Variants in GALNT10 observed in about 807,000 individuals in gnomAD.
GALNT10 encodes polypeptide N-acetylgalactosaminyltransferase 10.
In GALNT10, 41 loss-of-function variants were observed where a neutral mutation model predicts 75.0. The ratio of observed to expected loss-of-function variants is 0.55; its 90% CI spans 0.43 to 0.71. The LOEUF (loss-of-function observed/expected upper bound fraction) is 0.71, where lower values mean the gene tolerates loss of function less well. GALNT10 is among the 30% of genes least tolerant of loss of function. GALNT10 has a pLI of 0.00. For missense variants in GALNT10, 727 were observed against 818.5 expected (o/e 0.89, Z 1.36); for synonymous variants, 302 against 313.0 (o/e 0.96, Z 0.37).
chr5:154,203,183 CT>C (rs1775053656), intron 1 of GALNT10, among the ~76,000 whole-genome samples: 2 of 152,172 alleles, frequency 1.3e-5, no homozygotes. Flanking sequence ...GTGTATGACT[CT>C]TTCACCTGTC....
intron 1 of GALNT10, among the ~76,000 whole-genome samples, chr5:154,267,935 T>A (rs542824885): frequency 6.6e-6 from 1 of 152,130 alleles, no homozygotes; most frequent in African/African-American, 2.4e-5. Context: ...AGAAACTGAT[T>A]AACAGGATAT....
chr5:154,211,482 G>A (rs567470644), intron 1 of GALNT10, among the ~76,000 whole-genome samples: 40 of 152,286 alleles, frequency 2.6e-4, no homozygotes, highest in African/African-American at 8.4e-4. Flanking sequence ...TACTCCTTCT[G>A]CTGTGAAACT....
At chr5:154,332,828 C>T (rs1197385770) in intron 4 of GALNT10, among the ~76,000 whole-genome samples, 1 of 152,184 alleles carries the variant, frequency 6.6e-6, no homozygotes, top group African/African-American at 2.4e-5. Flanking sequence ...TGTATGTAAC[C>T]TGTTTTTCTG....
chr5:154,237,945 G>C (rs1753271768), intron 1 of GALNT10, among the ~76,000 whole-genome samples: 1 of 152,192 alleles, frequency 6.6e-6, no homozygotes, highest in South Asian at 2.1e-4. Context: ...TTTGAAGGAA[G>C]TCATTATAAG....
At chr5:154,406,802 G>A (rs963914934) in intron 8 of GALNT10, among the ~76,000 whole-genome samples, 9 of 151,388 alleles carry the variant, frequency 5.9e-5, no homozygotes, top group Admixed American at 3.3e-4. Context: ...ATCTTGGGGG[G>A]AAAAAAAGTG....
intron 3 of GALNT10, among the ~76,000 whole-genome samples, chr5:154,323,141 G>A (rs191858124): frequency 1.1e-3 from 164 of 152,262 alleles, no homozygotes; most frequent in African/African-American, 3.8e-3. Flanking sequence ...TAAATGTTAC[G>A]GGCTTTGCGG....
rs143630310 is a variant in GALNT10, at chr5:154,402,573, G to C, written c.1057-1531G>C. Among the ~76,000 whole-genome samples, 1 of 152,350 alleles carries C rather than the reference G, an allele frequency of 6.6e-6. No individual in the cohort carries two copies. Among genetic ancestry groups the C allele is most frequent in the Non-Finnish European group, 1.5e-5 (1 of 68,026 alleles). ...AACACAATACACAGTTATGATGGCAGCGCTTCCCTAGGCCAGGGATTTGGG... is the reference window on the plus strand; with the variant it reads ...AACACAATACACAGTTATGATGGCACCGCTTCCCTAGGCCAGGGATTTGGG... On this transcript the variant is annotated intron_variant, in intron 7 of 11. Transcript: ENST00000297107. This position sits in a 1 kb window ranked among gnomAD's most constrained non-coding sequence, Gnocchi z 4.2.
At position 154,191,006 on chromosome 5, in the gene GALNT10, T is replaced by C; in HGVS notation, c.140T>C (p.Val47Ala). Residue 47 changes from valine to alanine, a missense_variant, in exon 1 of 12, where the codon GTG (valine) becomes GCG (alanine). Val to Ala is a moderately conservative substitution (Grantham distance 64). Transcript: ENST00000297107. ...DGTPGGSGAA[V>A]APAAGQGSHS... ...ACCCCTGGGGGATCGGGGGCGGCGG[T>C]GGCGCCGGCGGCGGGACAGGTGAGT... 1 of 1,472,220 alleles carries C rather than the reference T, an allele frequency of 6.8e-7. No individual in the cohort carries two copies. Among genetic ancestry groups the C allele is most frequent in the Non-Finnish European group, 9.0e-7 (1 of 1,108,562 alleles). The allele number at this position is 1,472,220 out of a possible 1,614,324, so 91.2% of individuals were successfully genotyped here. A position where few individuals can be genotyped will look rare whatever the true frequency, so the allele number is the denominator to read the frequency against.
chr5:154,314,675 G>A (rs762054653), intron 3 of GALNT10, among the ~76,000 whole-genome samples: 9 of 151,492 alleles, frequency 5.9e-5, no homozygotes, highest in East Asian at 3.9e-4. Context: ...GCTCCATCTC[G>A]TTAAGGGAAA....
At chr5:154,324,035 CCTCATGGTTGAGAGG>C (rs1754716648) in intron 3 of GALNT10, among the ~76,000 whole-genome samples, 1 of 152,232 alleles carries the variant, frequency 6.6e-6, no homozygotes, top group Non-Finnish European at 1.5e-5. Flanking sequence ...TGAATGTCAG[CCTCATGGTTGAGAGG>C]GCAAGCTCTG....
intron 7 of GALNT10, among the ~76,000 whole-genome samples, chr5:154,394,720 C>T (rs1489691142): frequency 6.6e-6 from 1 of 152,220 alleles, no homozygotes; most frequent in Non-Finnish European, 1.5e-5. Context: ...GAAGGATATC[C>T]AGGGCCACCA....
chr5:154,284,963 A>G (rs1045088432), intron 1 of GALNT10, among the ~76,000 whole-genome samples: 4 of 152,302 alleles, frequency 2.6e-5, no homozygotes, highest in Admixed American at 1.3e-4. Context: ...GTTAGGCTAT[A>G]ATAAACCCAC....
chr5:154,363,492 GAAAAAAAAAAAAAAAAAAA>G (rs57710576), intron 4 of GALNT10, among the ~76,000 whole-genome samples: 3 of 37,518 alleles, frequency 8.0e-5, no homozygotes, highest in Admixed American at 4.4e-4. Context: ...GCGTTTATCT[GAAAAAAAAAAAAAAAAAAA>G]AAAAAAAAAA....
At chr5:154,321,988 G>A (rs149471927) in intron 3 of GALNT10, among the ~76,000 whole-genome samples, 4 of 152,318 alleles carry the variant, frequency 2.6e-5, no homozygotes, top group South Asian at 2.1e-4. Flanking sequence ...GGGTATCAAG[G>A]ACGACTCCTC....
intron 3 of GALNT10, among the ~76,000 whole-genome samples, chr5:154,319,983 G>A (rs1240261594): frequency 6.6e-6 from 1 of 152,216 alleles, no homozygotes; most frequent in African/African-American, 2.4e-5. Flanking sequence ...ACTGGAAGGT[G>A]GCTTGTGGGC....
At chr5:154,314,211 C>T (rs1754566354) in intron 3 of GALNT10, among the ~76,000 whole-genome samples, 2 of 152,120 alleles carry the variant, frequency 1.3e-5, no homozygotes, top group Admixed American at 1.3e-4. Flanking sequence ...GAAACTAAGT[C>T]TCAGGGAGGT....
intron 3 of GALNT10, among the ~76,000 whole-genome samples, chr5:154,302,270 C>G (rs1754374060): frequency 6.6e-6 from 1 of 152,254 alleles, no homozygotes; most frequent in Non-Finnish European, 1.5e-5. Flanking sequence ...TGCCAGCTGC[C>G]TTTGCTTCCA....
intron 1 of GALNT10, among the ~76,000 whole-genome samples, chr5:154,281,382 T>A (rs1303551153): frequency 6.6e-6 from 1 of 152,218 alleles, no homozygotes; most frequent in African/African-American, 2.4e-5. Context: ...TAAAATTGAT[T>A]TTTGTATATT....
intron 4 of GALNT10, among the ~76,000 whole-genome samples, chr5:154,334,357 C>T (rs906885585): frequency 1.6e-4 from 24 of 152,232 alleles, no homozygotes; most frequent in African/African-American, 5.5e-4. Context: ...GGGGTCTCCA[C>T]AAGCTCTTCA....
Sources: allele counts gnomAD v4.1 joint callset (sites outside exome capture counted in the v4.1 genomes callset), GRCh38; gene constraint gnomAD v4.1.1; non-coding constraint Gnocchi (gnomAD v3.1); transcripts MANE v1.5; gene names NCBI Gene and HGNC (gene_info 2026-07-23, HGNC 2026-07-21).